The following GPATCH2L variants were observed in gnomAD, a reference collection of about 807,000 sequenced individuals.
GPATCH2L encodes G patch domain-containing protein 2-like.
A neutral mutation model predicts 57.4 loss-of-function variants in GPATCH2L; 31 were observed. The ratio of observed to expected loss-of-function variants is 0.54; its 90% confidence interval spans 0.41 to 0.73. The LOEUF (loss-of-function observed/expected upper bound fraction) is 0.73. Among genes scored for constraint, GPATCH2L ranks in the 30% least tolerant of loss-of-function variants. GPATCH2L has a pLI of 0.00. For missense variants in GPATCH2L, 481 were observed against 599.9 expected (o/e 0.80, Z 2.07); for synonymous variants, 199 against 210.7 (o/e 0.94, Z 0.48).
chr14:76,230,686 G>C (rs1291764732), intron 2 of GPATCH2L, among the ~76,000 whole-genome samples: 2 of 152,128 alleles, frequency 1.3e-5, no homozygotes, highest in African/African-American at 4.8e-5. Flanking sequence ...CTGTTCTCTT[G>C]GTTGCTTCCA....
rs776014061 is a variant in GPATCH2L, at chr14:76,185,986, C to A, written c.1193+5137C>A. Among the ~76,000 whole-genome samples the A allele has an allele frequency of 3.3e-5, 5 of 152,112 alleles. No individual in the cohort carries two copies. The East Asian group carries it at 9.6e-4, about 29-fold the overall frequency. On this transcript the variant is annotated intron_variant, in intron 8 of 9. Transcript: ENST00000261530. ...TCTTCCCATACCTCAATTTCTACAT[C>A]TTTAAAATGGAAATATCAATACTTT...
intron 5 of GPATCH2L, chr14:76,175,361 G>A (rs7154673): frequency 0.11 from 16,721 of 151,570 alleles, 943 homozygotes; most frequent in Admixed American, 0.15. Context: ...AGAGGTCACC[G>A]CTCTGCCCCC....
intron 9 of GPATCH2L, among the ~76,000 whole-genome samples, chr14:76,197,229 A>G (rs1269732728): frequency 1.3e-5 from 2 of 152,176 alleles, no homozygotes; most frequent in Non-Finnish European, 1.5e-5. Context: ...AGTCTAGACT[A>G]TGACTGTGCA....
chr14:76,229,782 T>C (rs760751893), intron 1 of GPATCH2L: 1 of 152,174 alleles, frequency 6.6e-6, no homozygotes. Flanking sequence ...TGGGACTCAC[T>C]GTCCTGAACT....
At chr14:76,221,007 A>G (rs867362599) in intron 1 of GPATCH2L, among the ~76,000 whole-genome samples, 29 of 152,018 alleles carry the variant, frequency 1.9e-4, no homozygotes, top group African/African-American at 5.8e-4. Flanking sequence ...CTCTGAAAAG[A>G]CTAATAATAT....
At chr14:76,155,224 G>A (rs1900116) in intron 2 of GPATCH2L, among the ~76,000 whole-genome samples, 199 bp downstream of exon 2, 120,875 of 152,154 alleles carry the variant, frequency 0.79, 48,358 homozygotes, top group Middle Eastern at 0.9. Context: ...AAGGCTATAT[G>A]TAATAGAAAC....
intron 8 of GPATCH2L, among the ~76,000 whole-genome samples, chr14:76,188,368 C>A (rs992217525): frequency 6.6e-6 from 1 of 152,110 alleles, no homozygotes; most frequent in Non-Finnish European, 1.5e-5. Context: ...TCACCACATC[C>A]TCACCAGCAT....
At chr14:76,178,176 T>C (rs2039416365) in intron 7 of GPATCH2L, 134 bp downstream of exon 7, 2 of 1,350,364 alleles carry the variant, frequency 1.5e-6, no homozygotes, top group South Asian at 1.2e-5. Context: ...TCTTGTAGCA[T>C]ATATTTCATA....
chr14:76,163,046 A>G (rs761139576), intron 2 of GPATCH2L, among the ~76,000 whole-genome samples: 6 of 152,198 alleles, frequency 3.9e-5, no homozygotes, highest in Non-Finnish European at 7.3e-5. Context: ...TATCTTCTGC[A>G]TAGAGAAACA....
chr14:76,164,801 A>G (rs1036641480), intron 2 of GPATCH2L, among the ~76,000 whole-genome samples: 1 of 152,208 alleles, frequency 6.6e-6, no homozygotes, highest in Non-Finnish European at 1.5e-5. Context: ...GCGTTTAGCT[A>G]ACAGTGGACA....
chr14:76,181,594 T>A (rs1323454870), intron 8 of GPATCH2L, among the ~76,000 whole-genome samples: 1 of 152,224 alleles, frequency 6.6e-6, no homozygotes, highest in Admixed American at 6.5e-5. Context: ...TGGGATGTTG[T>A]CTTGTTCCCT....
intron 8 of GPATCH2L, among the ~76,000 whole-genome samples, chr14:76,187,215 C>T (rs2139757551): frequency 6.6e-6 from 1 of 152,000 alleles, no homozygotes; most frequent in South Asian, 2.1e-4. Flanking sequence ...ATTTAATCCT[C>T]CTTTTTCTCC....
At chr14:76,161,743 T>TA (rs2038595483) in intron 2 of GPATCH2L, among the ~76,000 whole-genome samples, 1 of 152,188 alleles carries the variant, frequency 6.6e-6, no homozygotes, top group African/African-American at 2.4e-5. Context: ...CCCTAAAACT[T>TA]ACTAGCTCTA....
chr14:76,183,401 G>T (rs961519509), intron 8 of GPATCH2L, among the ~76,000 whole-genome samples: 2 of 152,076 alleles, frequency 1.3e-5, no homozygotes, highest in Non-Finnish European at 2.9e-5. Context: ...GATACCAAGT[G>T]GGTTGCATAC....
intron 2 of GPATCH2L, among the ~76,000 whole-genome samples, chr14:76,164,438 CA>C (rs1320496862): frequency 1.3e-5 from 2 of 152,062 alleles, no homozygotes; most frequent in Admixed American, 6.6e-5. Context: ...TGGATATTGC[CA>C]AATTGGGACG....
At chr14:76,176,823 G>A (rs2039347590) in intron 6 of GPATCH2L, 133 bp downstream of exon 6, 1 of 635,444 alleles carries the variant, frequency 1.6e-6, no homozygotes. Flanking sequence ...CGTTGTAACA[G>A]TTAAATATGG....
intron 1 of GPATCH2L, among the ~76,000 whole-genome samples, chr14:76,223,305 A>AT (rs2040523416): frequency 6.6e-6 from 1 of 152,252 alleles, no homozygotes; most frequent in Non-Finnish European, 1.5e-5. Context: ...TTGGCTTAAC[A>AT]TCACAAAATC....
intron 8 of GPATCH2L, among the ~76,000 whole-genome samples, chr14:76,194,478 C>T (rs1244843831): frequency 1.4e-5 from 1 of 72,128 alleles, no homozygotes; most frequent in African/African-American, 5.6e-5. Flanking sequence ...TATTTAGAGA[C>T]ATGAAAGTGT....
rs1392490045 is a variant in GPATCH2L, at chr14:76,211,752, G to C, written c.*9901G>C. ...TTTTAAGCCTACAGGAAGTGCCCAT[G>C]GGATAAAACCAATCTGCTGGCTCAC... is the stretch of plus-strand genomic sequence containing the variant. On this transcript the variant is annotated 3_prime_UTR_variant, in exon 10 of 10. Coordinates refer to ENST00000261530, the MANE Select transcript of GPATCH2L (RefSeq NM_017926.4). 6.6e-6 allele frequency: 1 copy of C among 152,154 alleles called. No homozygotes were observed. The highest frequency in any genetic ancestry group is 1.5e-5 in the Non-Finnish European group (1 of 68,030). 9.4% of individuals were successfully genotyped at this position (152,154 alleles called of 1,614,324 possible).
Sources: gnomAD v4.1 joint callset for allele counts (sites outside exome capture counted in the v4.1 genomes callset) on GRCh38, gnomAD v4.1.1 for gene constraint, MANE v1.5 for transcripts, NCBI Gene and HGNC (gene_info 2026-07-23, HGNC 2026-07-21) for gene names.